Variants in BACH2 observed in about 807,000 individuals in gnomAD.
BACH2 encodes the protein BACH transcriptional regulator 2.
Under a neutral mutation model 61.8 loss-of-function variants are expected in BACH2, and 5 were observed. The observed-to-expected ratio is 0.08, with a 90% CI of 0.04 to 0.17. The LOEUF is 0.17. Among genes scored for constraint, BACH2 ranks in the 10% least tolerant of loss-of-function variants. The probability of loss-of-function intolerance (pLI) is 1.00; values close to 1 mark genes in which losing one functional copy is unlikely to be tolerated. For missense variants in BACH2, 824 were observed against 1,091.1 expected, an observed-to-expected ratio of 0.76 and a Z score of 3.45; for synonymous variants, 446 against 440.1, an observed-to-expected ratio of 1.01 and a Z score of -0.17.
At chr6:90,134,070 G>C (rs1265023888) in intron 4 of BACH2, among the ~76,000 whole-genome samples, 1 of 152,140 alleles carries the variant, frequency 6.6e-6, no homozygotes, top group Non-Finnish European at 1.5e-5. Context: ...TGGGATGGCT[G>C]GATCAAATGG....
At chr6:90,041,952 C>A (rs73497151) in intron 5 of BACH2, among the ~76,000 whole-genome samples, 1 of 152,080 alleles carries the variant, frequency 6.6e-6, no homozygotes, top group African/African-American at 2.4e-5. Flanking sequence ...ACACTTAATT[C>A]ATTTATTTCT....
At chr6:90,257,825 G>C (rs900754647) in intron 2 of BACH2, among the ~76,000 whole-genome samples, 3 of 152,104 alleles carry the variant, frequency 2.0e-5, no homozygotes, top group Non-Finnish European at 4.4e-5. Flanking sequence ...CTCCAGGCTA[G>C]AGTGCAGTGG....
intron 5 of BACH2, among the ~76,000 whole-genome samples, chr6:90,080,394 T>C (rs935701490): frequency 1.3e-5 from 2 of 152,164 alleles, no homozygotes; most frequent in Admixed American, 1.3e-4. Context: ...CTCCACCTGA[T>C]AACCTGAAGC....
At chr6:90,114,084 G>A (rs1783292653) in intron 4 of BACH2, among the ~76,000 whole-genome samples, 1 of 152,108 alleles carries the variant, frequency 6.6e-6, no homozygotes, top group Non-Finnish European at 1.5e-5. Flanking sequence ...AATCCCACCA[G>A]ATGTACAAAG....
rs546286243 is a variant in BACH2 at position 89,951,582 on chromosome 6, G to A, written c.524C>T (p.Thr175Met). ...DEEEETMDSE[T>M]AKMACPRDQM... ...GTCCCTGGGGCAAGCCATCTTGGCCGTCTCTGAATCCATCGTCTCCTCCTC... is the reference window on the plus strand; with the variant it reads ...GTCCCTGGGGCAAGCCATCTTGGCCATCTCTGAATCCATCGTCTCCTCCTC... Residue 175 changes from threonine (T) to methionine (M), a missense_variant, in exon 7 of 9, where the codon ACG becomes ATG. Physicochemically the swap from Thr to Met is moderately conservative, Grantham distance 81. Coordinates refer to ENST00000257749, the MANE Select transcript of BACH2 (RefSeq NM_021813.4). This position sits in a 1 kb window ranked among gnomAD's most constrained non-coding sequence, Gnocchi z 6.4. 1.2e-5 allele frequency: 19 copies of A among 1,614,122 alleles called. No homozygotes were observed. Among genetic ancestry groups the A allele is most frequent in the East Asian group, 8.9e-5 (4 of 44,874 alleles).
chr6:90,113,969 G>A (rs1249275554), intron 4 of BACH2, among the ~76,000 whole-genome samples: 1 of 152,098 alleles, frequency 6.6e-6, no homozygotes, highest in Non-Finnish European at 1.5e-5. Context: ...ACTGAGTCAG[G>A]AAGAAATTGA....
intron 6 of BACH2, among the ~76,000 whole-genome samples, chr6:89,983,224 T>C (rs954150940): frequency 6.6e-6 from 1 of 152,218 alleles, no homozygotes; most frequent in South Asian, 2.1e-4. Flanking sequence ...CTTGCTTCTG[T>C]TTTATAGTGC....
At chr6:90,041,093 G>A (rs765826532) in intron 5 of BACH2, among the ~76,000 whole-genome samples, 49 of 152,026 alleles carry the variant, frequency 3.2e-4, no homozygotes, top group Non-Finnish European at 3.4e-4. Flanking sequence ...GGCTAAGTAC[G>A]TTCAGAACAA....
rs1767578060 is a variant in BACH2 at position 90,165,487 on chromosome 6, G to A, written c.-162+41082C>T. Among the ~76,000 whole-genome samples, 4 of 152,082 alleles carry A rather than the reference G, an allele frequency of 2.6e-5. No homozygotes were observed. In the South Asian group the frequency reaches 8.3e-4, roughly 32 times the overall value. Reference sequence around the variant, plus strand: ...TGTGAAAATGGCCATACTGCCCAAGGTAATTTATAGATTCAATGCCATCCC... The same window carrying A: ...TGTGAAAATGGCCATACTGCCCAAGATAATTTATAGATTCAATGCCATCCC... On this transcript the variant is annotated intron_variant, in intron 4 of 8. Transcript: ENST00000257749.
At chr6:90,111,484 T>C (rs569976222) in intron 4 of BACH2, among the ~76,000 whole-genome samples, 1 of 152,372 alleles carries the variant, frequency 6.6e-6, no homozygotes, top group Admixed American at 6.5e-5. Context: ...GCTGCCCCTA[T>C]TTTCTCATTC....
At chr6:90,226,773 A>G (rs1402374458) in intron 3 of BACH2, among the ~76,000 whole-genome samples, 1 of 152,072 alleles carries the variant, frequency 6.6e-6, no homozygotes, top group Non-Finnish European at 1.5e-5. Flanking sequence ...AGCTCATTGC[A>G]GCCTCAAACT....
intron 6 of BACH2, among the ~76,000 whole-genome samples, chr6:89,993,784 G>C (rs1353860414): frequency 6.6e-6 from 1 of 151,746 alleles, no homozygotes; most frequent in Non-Finnish European, 1.5e-5. Context: ...GGACTTCCAG[G>C]ATCTAGGGTG....
At chr6:90,105,701 T>C (rs2127813870) in intron 4 of BACH2, among the ~76,000 whole-genome samples, 1 of 152,348 alleles carries the variant, frequency 6.6e-6, no homozygotes, top group African/African-American at 2.4e-5. Context: ...TGTTGCTTCC[T>C]GTTTTTCAGT....
At chr6:90,122,322 C>A (rs1783662646) in intron 4 of BACH2, among the ~76,000 whole-genome samples, 1 of 152,130 alleles carries the variant, frequency 6.6e-6, no homozygotes, top group African/African-American at 2.4e-5. Context: ...AAGCAAGGAT[C>A]GAGTCAGTAC....
intron 5 of BACH2, among the ~76,000 whole-genome samples, chr6:90,062,067 A>G (rs568011111): frequency 1.3e-5 from 2 of 152,196 alleles, no homozygotes; most frequent in Non-Finnish European, 2.9e-5. Context: ...ATTTAGTACA[A>G]AGGGAGAAAC....
chr6:90,191,711 T>C (rs1768580504), intron 4 of BACH2, among the ~76,000 whole-genome samples: 1 of 152,182 alleles, frequency 6.6e-6, no homozygotes, highest in Admixed American at 6.5e-5. Flanking sequence ...CAAATTGGGT[T>C]TGAAAATTAG....
chr6:89,936,942 T>C (rs1773063915), intron 8 of BACH2, among the ~76,000 whole-genome samples: 1 of 151,942 alleles, frequency 6.6e-6, no homozygotes, highest in Admixed American at 6.6e-5. Context: ...GCACCTGAGA[T>C]GAGTTTCTGT....
intron 6 of BACH2, among the ~76,000 whole-genome samples, chr6:89,999,083 T>C (rs1010998321): frequency 6.6e-6 from 1 of 152,234 alleles, no homozygotes. Flanking sequence ...GGAAACTGTG[T>C]TTTCTTGTAA....
intron 4 of BACH2, 26 bp from the exon 5 acceptor site, chr6:90,089,135 T>C (rs1782053906): frequency 6.6e-6 from 1 of 152,180 alleles, no homozygotes; most frequent in Non-Finnish European, 1.5e-5. Context: ...AAGTTGTCCA[T>C]TAGCAGATGA....
Sources: allele counts gnomAD v4.1 joint callset (sites outside exome capture counted in the v4.1 genomes callset), GRCh38; gene constraint gnomAD v4.1.1; non-coding constraint Gnocchi (gnomAD v3.1); transcripts MANE v1.5; gene names NCBI Gene and HGNC (gene_info 2026-07-23, HGNC 2026-07-21).